The following ZFHX4 variants were observed in gnomAD, a reference collection of about 807,000 sequenced individuals.
ZFHX4 encodes zinc finger homeobox 4, also known as zinc finger homeobox protein 4.
A neutral mutation model predicts 267.6 loss-of-function variants in ZFHX4; 56 were observed. That is an observed-to-expected ratio of 0.21 (90% confidence interval 0.17 to 0.26). The LOEUF is 0.26. ZFHX4 is among the 10% of genes least tolerant of loss of function. The pLI is 1.00. For synonymous variants in ZFHX4, 1,778 were observed against 1,665.6 expected (o/e 1.07, Z -1.64); for missense variants, 4,332 against 4,420.0 (o/e 0.98, Z 0.56).
intron 3 of ZFHX4, among the ~76,000 whole-genome samples, chr8:76,710,154 T>C (rs1186765232): frequency 6.6e-6 from 1 of 152,148 alleles, no homozygotes; most frequent in Non-Finnish European, 1.5e-5. Context: ...GGTCAGCAAA[T>C]AAACTTTGAA....
At chr8:76,765,495 A>G (rs1810028725) in intron 3 of ZFHX4, among the ~76,000 whole-genome samples, 1 of 152,150 alleles carries the variant, frequency 6.6e-6, no homozygotes, top group Admixed American at 6.6e-5. Flanking sequence ...GTAGGTTAAT[A>G]TATATTGAAT....
rs1330160261 is a variant in ZFHX4, at chr8:76,856,125, G to T, written c.9204G>T (p.Lys3068Asn). Reference sequence around the variant, plus strand: ...CACAGCAAGAACTTGATCGTATAAAGAAAGCTTCAGACGTGCTGGGCTTGA... The same window carrying T: ...CACAGCAAGAACTTGATCGTATAAATAAAGCTTCAGACGTGCTGGGCTTGA... ...LMAQQELDRI[K>N]KASDVLGLTV... Residue 3068 changes from lysine (K) to asparagine (N), a missense_variant, in exon 10 of 11, where the codon AAG becomes AAT. This residue lies in a region of ZFHX4 where 1,648 missense variants were observed against 1,625.0 expected (regional missense o/e 1.01). Coordinates refer to ENST00000651372, the MANE Select transcript of ZFHX4 (RefSeq NM_024721.5). 1.2e-6 allele frequency: 2 copies of T among 1,613,870 alleles called. No homozygotes were observed. The highest frequency in any genetic ancestry group is 4.5e-5 in the East Asian group (2 of 44,886).
At chr8:76,751,780 A>G (rs1285912144) in intron 3 of ZFHX4, among the ~76,000 whole-genome samples, 1 of 152,196 alleles carries the variant, frequency 6.6e-6, no homozygotes. Flanking sequence ...AAGAAAGTAC[A>G]CAATTTGCTT....
At chr8:76,807,729 T>G (rs1169015703) in intron 4 of ZFHX4, among the ~76,000 whole-genome samples, 2 of 152,156 alleles carry the variant, frequency 1.3e-5, no homozygotes, top group East Asian at 3.8e-4. Flanking sequence ...GTTTTGTTCT[T>G]CTGATATAAT....
intron 3 of ZFHX4, among the ~76,000 whole-genome samples, chr8:76,768,274 G>C (rs900513382): frequency 6.6e-6 from 1 of 152,140 alleles, no homozygotes; most frequent in African/African-American, 2.4e-5. Flanking sequence ...TAAAGGGTTT[G>C]GGAAATTCTT....
chr8:76,707,700 C>T lies in ZFHX4; in HGVS notation c.2745C>T (p.Asp915=), dbSNP rs1328921912. ...QCAVCNKFTS[D]SLEALSVHVS... ...CTGTTTGCAACAAATTCACCTCTGA[C>T]AGCCTGGAGGCCCTAAGTGTGCATG... is the stretch of plus-strand genomic sequence containing the variant. The change falls in exon 3 of 11, where the codon GAC becomes GAT. Residue 915 remains aspartate, a synonymous_variant. Coordinates refer to ENST00000651372, the MANE Select transcript of ZFHX4 (RefSeq NM_024721.5). The T allele has an allele frequency of 5.6e-6, 9 of 1,613,852 alleles. No individual in the cohort carries two copies. Among genetic ancestry groups the T allele is most frequent in the Non-Finnish European group, 6.8e-6 (8 of 1,179,874 alleles).
chr8:76,684,049 T>G (rs946819574), intron 1 of ZFHX4: 2 of 141,312 alleles, frequency 1.4e-5, no homozygotes, highest in African/African-American at 2.8e-5. Context: ...TCTGTTTTGG[T>G]TTTTTTTTTT....
intron 4 of ZFHX4, among the ~76,000 whole-genome samples, chr8:76,782,754 A>G (rs1810583719): frequency 6.6e-6 from 1 of 152,000 alleles, no homozygotes; most frequent in Non-Finnish European, 1.5e-5. Context: ...AAAATAGTTA[A>G]TTTCACATCA....
chr8:76,775,326 C>T (rs1167429235), intron 3 of ZFHX4, among the ~76,000 whole-genome samples: 1 of 152,148 alleles, frequency 6.6e-6, no homozygotes, highest in Non-Finnish European at 1.5e-5. Flanking sequence ...TCAAGTCCCA[C>T]TTGGAAGTGA....
chr8:76,707,632 T>C lies in ZFHX4; in HGVS notation c.2677T>C (p.Ser893Pro). Reference sequence around the variant, plus strand: ...GTCCCTCCTTACTGCAGGAGAGCTGTCACCTTATATCAGTGACCCAGCGCT... The same window carrying C: ...GTCCCTCCTTACTGCAGGAGAGCTGCCACCTTATATCAGTGACCCAGCGCT... ...DLSLLTAGELSPYISDPALKL... is the reference protein window; with the variant it reads ...DLSLLTAGELPPYISDPALKL... Residue 893 changes from serine (S) to proline (P), a missense_variant, in exon 3 of 11, where the codon TCA becomes CCA. Coordinates refer to ENST00000651372, the MANE Select transcript of ZFHX4 (RefSeq NM_024721.5). 6.2e-7 allele frequency: 1 copy of C among 1,613,928 alleles called. No homozygotes were observed. The highest frequency in any genetic ancestry group is 1.1e-5 in the South Asian group (1 of 91,062).
rs866644618 is a variant in ZFHX4 at position 76,704,267 on chromosome 8, C to A, written c.179C>A (p.Ala60Asp). 6.2e-7 allele frequency: 1 copy of A among 1,613,988 alleles called. No homozygotes were observed. Among genetic ancestry groups the A allele is most frequent in the South Asian group, 1.1e-5 (1 of 91,078 alleles). ...AAAACGGATGAGCGCAAAAGTGAAG[C>A]CTTGCTGGGTTTCAGCGTTGAGAAT... ...NLKTDERKSE[A>D]LLGFSVENAA... The change falls in exon 2 of 11, where the codon GCC becomes GAC. Residue 60 changes from alanine to aspartate, a missense_variant. Physicochemically the swap from Ala to Asp is moderately radical, Grantham distance 126. Around this residue, in one of 7 missense-constraint regions of ZFHX4, gnomAD observed 1,195 missense variants for 1,173.6 expected, o/e 1.02. Transcript: ENST00000651372.
intron 3 of ZFHX4, among the ~76,000 whole-genome samples, chr8:76,721,598 G>C (rs990950318): frequency 6.6e-6 from 1 of 152,094 alleles, no homozygotes; most frequent in Non-Finnish European, 1.5e-5. Context: ...AAGTTTGTAA[G>C]GACATTTTTA....
intron 4 of ZFHX4, among the ~76,000 whole-genome samples, chr8:76,782,705 A>C (rs1232472142): frequency 6.6e-6 from 1 of 151,992 alleles, no homozygotes; most frequent in Non-Finnish European, 1.5e-5. Context: ...AAGGAAATTA[A>C]AAAGTACAAG....
Position 76,864,338 on chromosome 8 carries a change from CCTT to C in ZFHX4, c.10630_10632del (p.Ser3544del), listed in dbSNP as rs748117974. ...GTCTGCCAGGAGAGCTGCTTCTCCC[CCTT>C]CTTCTCCTCCTTCCCTTTCCTTGCC... On this transcript the variant is annotated inframe_deletion, in exon 11 of 11. Transcript: ENST00000651372. 3.3e-5 allele frequency: 53 copies of C among 1,613,712 alleles called. No individual in the cohort carries two copies. The highest frequency in any genetic ancestry group is 3.7e-5 in the Non-Finnish European group (44 of 1,179,856).
At chr8:76,859,673 T>C (rs1812818245) in intron 10 of ZFHX4, among the ~76,000 whole-genome samples, 1 of 152,176 alleles carries the variant, frequency 6.6e-6, no homozygotes, top group South Asian at 2.1e-4. Flanking sequence ...TTTGCATTTT[T>C]CTCATACTTT....
Position 76,815,743 on chromosome 8 carries a change from C to T in ZFHX4, c.3326-17595C>T, listed in dbSNP as rs114950182. 5.2e-3 allele frequency among the ~76,000 whole-genome samples: 797 copies of T among 152,246 alleles called. 7 individuals carry two copies. Among genetic ancestry groups the T allele is most frequent in the African/African-American group, 0.018 (765 of 41,548 alleles). ...CTTGAACTACTGGGCTCCAGAAATT[C>T]TCCCGCCTTGGTCTCCCAAAGTGCT... On this transcript the variant is annotated intron_variant, in intron 4 of 10. Coordinates refer to ENST00000651372, the MANE Select transcript of ZFHX4 (RefSeq NM_024721.5).
Position 76,705,993 on chromosome 8 carries a change from G to A in ZFHX4, c.1905G>A (p.Met635Ile), listed in dbSNP as rs1338702378. Residue 635 changes from methionine to isoleucine, a missense_variant, in exon 2 of 11, where the codon ATG (methionine) becomes ATA (isoleucine). Around this residue, in one of 7 missense-constraint regions of ZFHX4, gnomAD observed 1,195 missense variants for 1,173.6 expected, o/e 1.02. Transcript: ENST00000651372. ...CTCTTGGTGGTCATATGACTATGAT[G>A]CACTCGAGGAACTCATGCAAAACCC... is the stretch of plus-strand genomic sequence containing the variant. ...SRSLGGHMTM[M>I]HSRNSCKTLK... 1.2e-6 allele frequency: 2 copies of A among 1,613,074 alleles called. No individual in the cohort carries two copies. The highest frequency in any genetic ancestry group is 1.7e-6 in the Non-Finnish European group (2 of 1,179,634).
Position 76,793,882 on chromosome 8 carries a change from G to T in ZFHX4, c.3325+15443G>T, listed in dbSNP as rs557206291. On this transcript the variant is annotated intron_variant, in intron 4 of 10. Coordinates refer to ENST00000651372, the MANE Select transcript of ZFHX4 (RefSeq NM_024721.5). ...GTAGACAAATATAGGTGATTCTTAC[G>T]AGTACGTAAGACTGGTTTGAGTAGG... 5.9e-5 allele frequency among the ~76,000 whole-genome samples: 9 copies of T among 152,110 alleles called. No homozygotes were observed. The South Asian group carries it at 1.5e-3, about 25-fold the overall frequency.
chr8:76,730,422 C>T (rs926414472), intron 3 of ZFHX4, among the ~76,000 whole-genome samples: 32 of 152,050 alleles, frequency 2.1e-4, no homozygotes, highest in African/African-American at 6.0e-4. Context: ...ATTTTTAGGC[C>T]GAGCACAGTG....
Sources: gnomAD v4.1 joint callset for allele counts (sites outside exome capture counted in the v4.1 genomes callset) on GRCh38, gnomAD v4.1.1 for gene constraint, gnomAD v4.1.1 regional missense constraint, MANE v1.5 for transcripts, NCBI Gene and HGNC (gene_info 2026-07-23, HGNC 2026-07-21) for gene names.